SGCD: variants seen among roughly 807,000 people sequenced by gnomAD.
The protein encoded by SGCD is sarcoglycan delta.
Under a neutral mutation model 36.6 loss-of-function variants are expected in SGCD, and 18 were observed. That is an observed-to-expected ratio of 0.49 (90% CI 0.34 to 0.73). The LOEUF (loss-of-function observed/expected upper bound fraction) is 0.73. Among genes scored for constraint, SGCD ranks in the 30% least tolerant of loss-of-function variants. SGCD has a pLI of 0.01. For synonymous variants in SGCD, 133 were observed against 130.6 expected (o/e 1.02, Z -0.12); for missense variants, 387 against 346.7 (o/e 1.12, Z -0.92).
At chr5:155,910,626 G>GT (rs1756610978) in intron 1 of SGCD, among the ~76,000 whole-genome samples, 1 of 152,102 alleles carries the variant, frequency 6.6e-6, no homozygotes, top group South Asian at 2.1e-4. Context: ...GAGTGAGCCA[G>GT]TACAAGGGAA....
At position 156,714,951 on chromosome 5, in the gene SGCD, C is replaced by T. The variant is rs116302240; in HGVS notation, c.576-42630C>T. Among the ~76,000 whole-genome samples the T allele has an allele frequency of 9.7e-3, 1,484 of 152,210 alleles. 8 individuals are homozygous for T. Among genetic ancestry groups the T allele is most frequent in the Non-Finnish European group, 0.016 (1,094 of 68,028 alleles). On this transcript the variant is annotated intron_variant, in intron 7 of 8. Coordinates refer to ENST00000337851, the MANE Select transcript of SGCD (RefSeq NM_000337.6). ...ATTGTATAAATATATCCATAAATATCGGGAGTGCAAGCACTGTTCTACCGT... is the reference window on the plus strand; with the variant it reads ...ATTGTATAAATATATCCATAAATATTGGGAGTGCAAGCACTGTTCTACCGT...
At chr5:156,300,977 T>C (rs1192610331) in intron 3 of SGCD, among the ~76,000 whole-genome samples, 1 of 152,070 alleles carries the variant, frequency 6.6e-6, no homozygotes. Flanking sequence ...TCCATCCCTC[T>C]GTTTTCAATC....
At chr5:156,646,122 A>G (rs1327212400) in intron 6 of SGCD, among the ~76,000 whole-genome samples, 2 of 152,182 alleles carry the variant, frequency 1.3e-5, no homozygotes, top group Non-Finnish European at 2.9e-5. Flanking sequence ...TATGTGGAAC[A>G]TATGGACCCC....
chr5:155,803,010 C>A, the SGCD span, among the ~76,000 whole-genome samples: 1 of 152,084 alleles, frequency 6.6e-6, no homozygotes, highest in Non-Finnish European at 1.5e-5. Flanking sequence ...GAAGACATGA[C>A]AAAATATATG....
intron 3 of SGCD, among the ~76,000 whole-genome samples, chr5:156,351,871 TGTGGGGCA>T (rs2127722955): frequency 6.6e-6 from 1 of 152,204 alleles, no homozygotes; most frequent in East Asian, 1.9e-4. Context: ...TTTGTCATAT[TGTGGGGCA>T]GTGCATAATG....
chr5:156,336,834 G>C (rs924734148), intron 2 of SGCD, among the ~76,000 whole-genome samples: 8 of 152,130 alleles, frequency 5.3e-5, no homozygotes, highest in Admixed American at 5.2e-4. Flanking sequence ...TTTGTTTTCG[G>C]TAAAAGTTTT....
At chr5:156,443,884 A>G (rs1317714316) in intron 3 of SGCD, among the ~76,000 whole-genome samples, 1 of 152,142 alleles carries the variant, frequency 6.6e-6, no homozygotes, top group Non-Finnish European at 1.5e-5. Context: ...CTTGACTTGC[A>G]TTTGCTAACC....
chr5:156,521,242 CAAAAACTCTAG>C (rs1028048083), intron 4 of SGCD, among the ~76,000 whole-genome samples: 2 of 152,030 alleles, frequency 1.3e-5, no homozygotes, highest in Admixed American at 1.3e-4. Context: ...CCCCAAACCA[CAAAAACTCTAG>C]AAGAAAATCT....
intron 3 of SGCD, among the ~76,000 whole-genome samples, chr5:156,427,318 A>T (rs752307964): frequency 7.9e-5 from 12 of 152,056 alleles, no homozygotes; most frequent in Non-Finnish European, 1.6e-4. Flanking sequence ...AAAAGGGATC[A>T]TGTTCTTGAT....
At chr5:155,747,655 C>T in the SGCD span, among the ~76,000 whole-genome samples, 3 of 152,176 alleles carry the variant, frequency 2.0e-5, no homozygotes, top group Non-Finnish European at 4.4e-5. Context: ...GCTCCACAGT[C>T]TTCTTTCAAC....
chr5:156,424,014 G>A (rs552631902), intron 3 of SGCD, among the ~76,000 whole-genome samples: 1 of 151,896 alleles, frequency 6.6e-6, no homozygotes, highest in African/African-American at 2.4e-5. Context: ...CTACTCCTCT[G>A]TTCGTGGCAC....
rs1581123938 is a variant in SGCD at position 156,140,227 on chromosome 5, G to T, written c.-44+16208G>T. Among the ~76,000 whole-genome samples, 3 of 152,336 alleles carry T rather than the reference G, an allele frequency of 2.0e-5. No homozygotes were observed. The South Asian group carries it at 6.2e-4, about 32-fold the overall frequency. ...ATAAAGAGCTGAAAATGTGGAAGTGGATTAGGAAGTCGGTAATGGGTAGAG... is the reference window on the plus strand; with the variant it reads ...ATAAAGAGCTGAAAATGTGGAAGTGTATTAGGAAGTCGGTAATGGGTAGAG... On this transcript the variant is annotated intron_variant, in intron 3 of 9. Coordinates refer to the SGCD transcript ENST00000517913.
At chr5:156,114,045 A>G (rs778047343) in intron 1 of SGCD, among the ~76,000 whole-genome samples, 3 of 152,110 alleles carry the variant, frequency 2.0e-5, no homozygotes, top group Non-Finnish European at 4.4e-5. Context: ...GGGCAGAGAA[A>G]CTACTCTGTA....
chr5:156,250,328 T>C (rs952871819), intron 3 of SGCD, among the ~76,000 whole-genome samples: 3 of 152,186 alleles, frequency 2.0e-5, no homozygotes, highest in Non-Finnish European at 2.9e-5. Context: ...TGATGATCAA[T>C]ATGGAAAAGG....
rs142850252 is a variant in SGCD, at chr5:155,936,749, C to T, written c.-282+66325C>T. Among the ~76,000 whole-genome samples, 458 of 152,320 alleles carry T rather than the reference C, an allele frequency of 3.0e-3. 1 individual carries two copies. Among genetic ancestry groups the T allele is most frequent in the African/African-American group, 0.011 (442 of 41,578 alleles). ...TTCACTAGGGACGCGCCCCCTTTTA[C>T]CCAGGAGCCTGTCTGCCTCTTACCA... On this transcript the variant is annotated intron_variant, in intron 1 of 9. Transcript: ENST00000517913.
chr5:156,255,375 G>A (rs1484762745), intron 3 of SGCD, among the ~76,000 whole-genome samples: 1 of 152,092 alleles, frequency 6.6e-6, no homozygotes, highest in East Asian at 1.9e-4. Context: ...ATTAGACTGG[G>A]CCTCTAATTT....
In SGCD at chr5:156,466,459, C is replaced by T. The variant is rs563755393; in HGVS notation, c.193-42142C>T. ...ATGTCTTAATGAAAAAGTTTTTCTT[C>T]TGTTTCTGGTAGGTTTTGATTCATT... On this transcript the variant is annotated intron_variant, in intron 3 of 8. Transcript: ENST00000337851. Among the ~76,000 whole-genome samples the T allele has an allele frequency of 5.9e-5, 9 of 152,254 alleles. No individual in the cohort carries two copies. The East Asian group carries it at 1.5e-3, about 26-fold the overall frequency.
intron 8 of SGCD, among the ~76,000 whole-genome samples, chr5:156,758,558 C>T (rs931015774): frequency 1.3e-5 from 2 of 152,080 alleles, no homozygotes; most frequent in Non-Finnish European, 2.9e-5. Flanking sequence ...ATTCAGTTAT[C>T]ACAACTGCCT....
intron 3 of SGCD, among the ~76,000 whole-genome samples, chr5:156,176,851 G>A (rs990848360): frequency 9.9e-5 from 15 of 151,748 alleles, no homozygotes; most frequent in Non-Finnish European, 1.9e-4. Flanking sequence ...CTTCAGTTTT[G>A]GAAAATTACA....
Sources: allele counts gnomAD v4.1 joint callset (sites outside exome capture counted in the v4.1 genomes callset), GRCh38; gene constraint gnomAD v4.1.1; transcripts MANE v1.5; gene names NCBI Gene and HGNC (gene_info 2026-07-23, HGNC 2026-07-21).